The following TMEM150C variants were observed in gnomAD, a reference collection of about 807,000 sequenced individuals.
TMEM150C encodes the protein tentonin 3.
A neutral mutation model predicts 29.9 loss-of-function variants in TMEM150C; 10 were observed. The observed-to-expected ratio is 0.33, with a 90% CI of 0.21 to 0.57. The LOEUF is 0.57. TMEM150C is among the 20% of genes least tolerant of loss of function. The pLI, the probability that TMEM150C is intolerant of heterozygous loss-of-function variation, is 0.88. For synonymous variants in TMEM150C, 101 were observed against 112.5 expected (o/e 0.90, Z 0.64); for missense variants, 251 against 303.6 (o/e 0.83, Z 1.29).
Position 82,490,129 on chromosome 4 carries a change from T to C in TMEM150C, c.473A>G (p.Asn158Ser), listed in dbSNP as rs762372944. ...AALTLKVNIK[N>S]EGRRVGIPRV... ...TGGAATTCCAACTCTCCGTCCTTCA[T>C]TCTTGATGTTGACCTTGAGTGTCAG... The change falls in exon 7 of 8, where the codon AAT (asparagine) becomes AGT (serine). Residue 158 changes from asparagine (N) to serine (S), a missense_variant. By Grantham distance (46) the Asn-to-Ser change is conservative. Coordinates refer to ENST00000449862, the MANE Select transcript of TMEM150C (RefSeq NM_001080506.3). 6.2e-7 allele frequency: 1 copy of C among 1,614,028 alleles called. No homozygotes were observed. Among genetic ancestry groups the C allele is most frequent in the Non-Finnish European group, 8.5e-7 (1 of 1,179,888 alleles).
At chr4:82,554,212 A>G (rs1725667439) in intron 1 of TMEM150C, among the ~76,000 whole-genome samples, 1 of 152,214 alleles carries the variant, frequency 6.6e-6, no homozygotes, top group African/African-American at 2.4e-5. Context: ...TATTTTAGTT[A>G]TCAGTGTTTC....
At chr4:82,495,428 G>A (rs567242833) in intron 6 of TMEM150C, 260 of 309,298 alleles carry the variant, frequency 8.4e-4, no homozygotes, top group Non-Finnish European at 1.3e-3. Context: ...GCGACAGAGC[G>A]AGACTCCGTC....
chr4:82,499,028 G>C lies in TMEM150C; in HGVS notation c.236-2833C>G, dbSNP rs72913671. 8.0e-3 allele frequency among the ~76,000 whole-genome samples: 1,218 copies of C among 152,212 alleles called. 15 individuals carry two copies. Among genetic ancestry groups the C allele is most frequent in the African/African-American group, 0.028 (1,166 of 41,524 alleles). On this transcript the variant is annotated intron_variant, in intron 5 of 7. Coordinates refer to ENST00000449862, the MANE Select transcript of TMEM150C (RefSeq NM_001080506.3). ...CTTAACTCCATTATTAATCAGATCA[G>C]GGGAGGCATACTTTCCTTTTAAAAT...
In TMEM150C at chr4:82,518,126, G is replaced by A. The variant is rs370059368; in HGVS notation, c.-10-13459C>T. Among the ~76,000 whole-genome samples, 17 of 152,166 alleles carry A rather than the reference G, an allele frequency of 1.1e-4. No individual in the cohort carries two copies. In the East Asian group the frequency reaches 1.7e-3, roughly 16 times the overall value. Reference sequence around the variant, plus strand: ...AGGTCAGGAGTTCGAGACCAGCCTGGCCAACATGGTGAAACTCCATCTCTA... The same window carrying A: ...AGGTCAGGAGTTCGAGACCAGCCTGACCAACATGGTGAAACTCCATCTCTA... On this transcript the variant is annotated intron_variant, in intron 1 of 7. Transcript: ENST00000449862.
At chr4:82,522,356 G>A (rs537661780) in intron 1 of TMEM150C, among the ~76,000 whole-genome samples, 54 of 152,276 alleles carry the variant, frequency 3.5e-4, no homozygotes, top group Middle Eastern at 3.4e-3. Flanking sequence ...CCAATAACAC[G>A]CCACAGAACA....
At chr4:82,538,916 A>AG (rs1008539161) in intron 1 of TMEM150C, among the ~76,000 whole-genome samples, 2 of 152,050 alleles carry the variant, frequency 1.3e-5, no homozygotes, top group African/African-American at 4.8e-5. Context: ...TTATACAAAA[A>AG]TTAGCCAGGT....
chr4:82,531,296 C>A (rs1208494588), intron 1 of TMEM150C, among the ~76,000 whole-genome samples: 1 of 152,080 alleles, frequency 6.6e-6, no homozygotes, highest in African/African-American at 2.4e-5. Flanking sequence ...ACCTGTAGTT[C>A]AGAAGAGGTT....
intron 1 of TMEM150C, 78 bp downstream of exon 1, chr4:82,561,828 C>A (rs1391589636): frequency 1.2e-5 from 11 of 950,024 alleles, no homozygotes; most frequent in Non-Finnish European, 1.4e-5. Context: ...TCTCCGCCTG[C>A]GGGCTGCGCA....
At chr4:82,523,319 G>A (rs532136275) in intron 1 of TMEM150C, among the ~76,000 whole-genome samples, 1 of 152,190 alleles carries the variant, frequency 6.6e-6, no homozygotes, top group Non-Finnish European at 1.5e-5. Context: ...GGAGGAGGCG[G>A]TGTTTGATTT....
chr4:82,530,351 A>C (rs1371784897), intron 1 of TMEM150C, among the ~76,000 whole-genome samples: 1 of 151,964 alleles, frequency 6.6e-6, no homozygotes, highest in Non-Finnish European at 1.5e-5. Context: ...AGGTTAGGAG[A>C]TCGAGACCAT....
chr4:82,496,852 G>T (rs1028763656), intron 5 of TMEM150C, among the ~76,000 whole-genome samples: 1 of 152,146 alleles, frequency 6.6e-6, no homozygotes, highest in Non-Finnish European at 1.5e-5. Flanking sequence ...GGTGTTCACT[G>T]TCAAACAACA....
intron 1 of TMEM150C, among the ~76,000 whole-genome samples, chr4:82,505,253 C>T (rs1723879181): frequency 6.6e-6 from 1 of 151,994 alleles, no homozygotes; most frequent in Non-Finnish European, 1.5e-5. Context: ...AGCTATGTTG[C>T]CCAAGCTGGT....
chr4:82,531,973 CA>C (rs1724861701), intron 1 of TMEM150C, among the ~76,000 whole-genome samples: 1 of 152,036 alleles, frequency 6.6e-6, no homozygotes, highest in African/African-American at 2.4e-5. Context: ...TAGTAGGGCA[CA>C]GGGTCAGAAA....
chr4:82,546,048 A>G (rs1391850879), intron 1 of TMEM150C, among the ~76,000 whole-genome samples: 4 of 152,232 alleles, frequency 2.6e-5, no homozygotes, highest in Non-Finnish European at 5.9e-5. Flanking sequence ...AACGATCTCT[A>G]TAAGGAGAAC....
At chr4:82,486,335 TAAA>T (rs527967958) in intron 7 of TMEM150C, among the ~76,000 whole-genome samples, 67 of 51,294 alleles carry the variant, frequency 1.3e-3, no homozygotes, top group African/African-American at 5.3e-3. Flanking sequence ...GACTCCATCT[TAAA>T]AAAAAAAAAA....
rs75341676 is a variant in TMEM150C at position 82,485,247 on chromosome 4, C to T, written c.*264G>A. On this transcript the variant is annotated 3_prime_UTR_variant, in exon 8 of 8. Transcript: ENST00000449862. ...AGAGGAGGGAGTGCTGGGAAGGGGA[C>T]GGATAAGAAGTGATCATGCACAAGC... 28,098 of 388,502 alleles carry T rather than the reference C, an allele frequency of 0.072. 1,477 individuals are homozygous for T. Among genetic ancestry groups the T allele is most frequent in the African/African-American group, 0.17 (8,406 of 48,478 alleles). 24.1% of individuals were successfully genotyped at this position (388,502 alleles called of 1,614,324 possible).
At chr4:82,511,472 A>ATTCTTTTTTTTTTTT (rs1724122562) in intron 1 of TMEM150C, among the ~76,000 whole-genome samples, 1 of 106,390 alleles carries the variant, frequency 9.4e-6, no homozygotes, top group Non-Finnish European at 1.8e-5. Context: ...TCCCAACACT[A>ATTCTTTTTTTTTTTT]TTTTTTTTTT....
At chr4:82,511,739 T>C (rs1724134305) in intron 1 of TMEM150C, among the ~76,000 whole-genome samples, 1 of 152,070 alleles carries the variant, frequency 6.6e-6, no homozygotes, top group African/African-American at 2.4e-5. Flanking sequence ...AGTGTTAGGA[T>C]TATAGGCGTG....
At chr4:82,520,583 T>C (rs1041720370) in intron 1 of TMEM150C, among the ~76,000 whole-genome samples, 1 of 152,240 alleles carries the variant, frequency 6.6e-6, no homozygotes, top group African/African-American at 2.4e-5. Flanking sequence ...GATCAGATCA[T>C]GTCATCCTTT....
Sources: gnomAD v4.1 joint callset for allele counts (sites outside exome capture counted in the v4.1 genomes callset) on GRCh38, gnomAD v4.1.1 for gene constraint, MANE v1.5 for transcripts, NCBI Gene and HGNC (gene_info 2026-07-23, HGNC 2026-07-21) for gene names.